The following FGF7 variants were observed in gnomAD, a reference collection of about 807,000 sequenced individuals.
FGF7 encodes the protein fibroblast growth factor 7.
Under a neutral mutation model 20.5 loss-of-function variants are expected in FGF7, and 6 were observed. The observed-to-expected ratio is 0.29, with a 90% CI of 0.16 to 0.58. FGF7 has a LOEUF of 0.58. Among genes scored for constraint, FGF7 ranks in the 20% least tolerant of loss-of-function variants. The pLI is 0.90. For synonymous variants in FGF7, 64 were observed against 74.7 expected (o/e 0.86, Z 0.74); for missense variants, 144 against 228.8 (o/e 0.63, Z 2.39).
At chr15:49,479,609 T>TTTTTTTTG (rs1567359332) in intron 2 of FGF7, among the ~76,000 whole-genome samples, 13 of 133,322 alleles carry the variant, frequency 9.8e-5, no homozygotes, top group African/African-American at 3.7e-4. Flanking sequence ...GTTTTTTTTT[T>TTTTTTTTG]TTTTTTTTTT....
At chr15:49,433,318 G>A (rs918921030) in intron 2 of FGF7, among the ~76,000 whole-genome samples, 4 of 151,454 alleles carry the variant, frequency 2.6e-5, no homozygotes, top group East Asian at 3.9e-4. Flanking sequence ...GAGAAAATAA[G>A]TACCATATCT....
intron 2 of FGF7, among the ~76,000 whole-genome samples, chr15:49,465,462 G>A (rs1567329972): frequency 6.6e-6 from 1 of 151,936 alleles, no homozygotes; most frequent in Non-Finnish European, 1.5e-5. Flanking sequence ...AATGTGTTAG[G>A]AGCAAGATAG....
intron 2 of FGF7, among the ~76,000 whole-genome samples, chr15:49,477,622 T>C (rs547322296): frequency 6.6e-6 from 1 of 152,336 alleles, no homozygotes; most frequent in Admixed American, 6.5e-5. Flanking sequence ...ATGATACGAA[T>C]AAAGCTTCTA....
chr15:49,442,294 C>A (rs1369751739), intron 2 of FGF7, among the ~76,000 whole-genome samples: 1 of 151,520 alleles, frequency 6.6e-6, no homozygotes, highest in Non-Finnish European at 1.5e-5. Context: ...TAGAATTTTT[C>A]TTCTCAGTAT....
At chr15:49,452,473 A>G (rs2052848735) in intron 2 of FGF7, among the ~76,000 whole-genome samples, 1 of 152,234 alleles carries the variant, frequency 6.6e-6, no homozygotes, top group African/African-American at 2.4e-5. Flanking sequence ...AAACAAATTA[A>G]TAAGTAAAAA....
At position 49,487,966 on chromosome 15, in the gene FGF7, C is replaced by T. The variant is rs563433133; in HGVS notation, c.*3462C>T. ...AGATTATTTGCCTCCCATAATCCAA[C>T]TTTACACATAAATAACACAAGGCTA... On this transcript the variant is annotated 3_prime_UTR_variant, in exon 4 of 4. Transcript: ENST00000267843. The T allele has an allele frequency of 6.6e-6, 1 of 152,068 alleles. No homozygotes were observed. Among genetic ancestry groups the T allele is most frequent in the South Asian group, 2.1e-4 (1 of 4,818 alleles). 9.4% of individuals were successfully genotyped at this position (152,068 alleles called of 1,614,324 possible).
At chr15:49,460,852 TTTGA>T (rs745631460) in intron 2 of FGF7, among the ~76,000 whole-genome samples, 12 of 152,194 alleles carry the variant, frequency 7.9e-5, no homozygotes, top group Non-Finnish European at 1.0e-4. Context: ...ACATTGTTTG[TTTGA>T]TTATGTTTTG....
intron 2 of FGF7, among the ~76,000 whole-genome samples, chr15:49,444,488 G>T (rs1597233416): frequency 6.6e-6 from 1 of 151,842 alleles, no homozygotes; most frequent in East Asian, 1.9e-4. Flanking sequence ...AAATAACATT[G>T]AAATTATCTG....
chr15:49,479,654 T>C (rs1422814997), intron 2 of FGF7, among the ~76,000 whole-genome samples: 5 of 135,198 alleles, frequency 3.7e-5, no homozygotes, highest in Admixed American at 8.3e-5. Flanking sequence ...GCTCTTGTTG[T>C]CCAGGCTGGA....
At position 49,466,295 on chromosome 15, in the gene FGF7, G is replaced by A. The variant is rs556309912; in HGVS notation, c.287-16856G>A. Among the ~76,000 whole-genome samples, 28 of 152,262 alleles carry A rather than the reference G, an allele frequency of 1.8e-4. No homozygotes were observed. The East Asian group carries it at 4.8e-3, about 26-fold the overall frequency. ...TGATTCCATGCAATCAGTCCATGAG[G>A]CAATATTTGGGAAGTACTTGAGTAG... On this transcript the variant is annotated intron_variant, in intron 2 of 3. Transcript: ENST00000267843.
Position 49,474,054 on chromosome 15 carries a change from C to T in FGF7, c.287-9097C>T, listed in dbSNP as rs28393768. ...TAAAACAAAATGTATTTTTGATAGG[C>T]GAACTTTTTATTATATTCAAACTCT... On this transcript the variant is annotated intron_variant, in intron 2 of 3. Transcript: ENST00000267843. 3.2e-4 allele frequency among the ~76,000 whole-genome samples: 48 copies of T among 151,954 alleles called. No homozygotes were observed. The South Asian group carries it at 7.1e-3, about 22-fold the overall frequency.
At chr15:49,477,902 T>C (rs1444216574) in intron 2 of FGF7, among the ~76,000 whole-genome samples, 1 of 152,228 alleles carries the variant, frequency 6.6e-6, no homozygotes, top group Non-Finnish European at 1.5e-5. Context: ...ATTGTTGTTT[T>C]AATTTGCAAT....
intron 2 of FGF7, among the ~76,000 whole-genome samples, chr15:49,450,008 A>C (rs1302012785): frequency 6.6e-6 from 1 of 152,130 alleles, no homozygotes; most frequent in Non-Finnish European, 1.5e-5. Flanking sequence ...CATTCATACA[A>C]ATGTGGTTGC....
chr15:49,439,318 G>C (rs2039651787), intron 2 of FGF7, among the ~76,000 whole-genome samples: 1 of 151,564 alleles, frequency 6.6e-6, no homozygotes, highest in African/African-American at 2.4e-5. Flanking sequence ...GAGAGAGAAA[G>C]GGAGGCAGAG....
At position 49,467,732 on chromosome 15, in the gene FGF7, A is replaced by G. The variant is rs182031242; in HGVS notation, c.287-15419A>G. 3.4e-3 allele frequency among the ~76,000 whole-genome samples: 518 copies of G among 152,278 alleles called. 4 individuals carry two copies. Among genetic ancestry groups the G allele is most frequent in the African/African-American group, 0.012 (495 of 41,572 alleles). ...AATAATTCTTTCTGTATAAAAGTTT[A>G]GAATCTTTAGTGATTAGAGAGTAAA... On this transcript the variant is annotated intron_variant, in intron 2 of 3. Transcript: ENST00000267843.
intron 2 of FGF7, among the ~76,000 whole-genome samples, chr15:49,460,824 G>A (rs1289095723): frequency 2.0e-5 from 3 of 152,140 alleles, no homozygotes; most frequent in Non-Finnish European, 4.4e-5. Flanking sequence ...TTGTGTGTGA[G>A]GCAGATATCA....
At chr15:49,430,090 T>C (rs2050461891) in intron 2 of FGF7, among the ~76,000 whole-genome samples, 1 of 151,936 alleles carries the variant, frequency 6.6e-6, no homozygotes, top group South Asian at 2.1e-4. Flanking sequence ...AGGGTTCTTC[T>C]GGGCTCATCT....
chr15:49,453,109 T>C (rs1057162820), intron 2 of FGF7, among the ~76,000 whole-genome samples: 5 of 152,272 alleles, frequency 3.3e-5, no homozygotes, highest in East Asian at 1.9e-4. Context: ...AAATATTGCA[T>C]TGAGGTCAAC....
At chr15:49,433,801 G>A (rs2050836879) in intron 2 of FGF7, among the ~76,000 whole-genome samples, 1 of 151,666 alleles carries the variant, frequency 6.6e-6, no homozygotes, top group Non-Finnish European at 1.5e-5. Context: ...CCACCTGACT[G>A]CCAGCTAATC....
Sources: allele counts gnomAD v4.1 joint callset (sites outside exome capture counted in the v4.1 genomes callset), GRCh38; gene constraint gnomAD v4.1.1; transcripts MANE v1.5; gene names NCBI Gene and HGNC (gene_info 2026-07-23, HGNC 2026-07-21).